ASCC3: variants seen among roughly 807,000 people sequenced by gnomAD.
ASCC3 encodes ASC-1 complex subunit P200.
ASCC3 carries 158 observed loss-of-function variants against 256.3 expected under a neutral mutation model. That is an observed-to-expected ratio of 0.62 (90% CI 0.54 to 0.70). The LOEUF (loss-of-function observed/expected upper bound fraction) is 0.70. Among genes scored for constraint, ASCC3 ranks in the 30% least tolerant of loss-of-function variants. The pLI is 0.00. For missense variants in ASCC3, 2,259 were observed against 2,626.0 expected, an observed-to-expected ratio of 0.86 and a Z score of 3.05; for synonymous variants, 948 against 883.4, an observed-to-expected ratio of 1.07 and a Z score of -1.30.
At chr6:100,711,254 A>AT (rs1469816693) in intron 13 of ASCC3, among the ~76,000 whole-genome samples, 1 of 152,126 alleles carries the variant, frequency 6.6e-6, no homozygotes, top group African/African-American at 2.4e-5. Context: ...GCCTCTTAAG[A>AT]TTTTTTCATA....
intron 22 of ASCC3, among the ~76,000 whole-genome samples, chr6:100,646,107 A>C (rs1775367335): frequency 6.6e-6 from 1 of 152,166 alleles, no homozygotes; most frequent in Non-Finnish European, 1.5e-5. Flanking sequence ...AGACATGGCA[A>C]AAATGAAGAT....
chr6:100,553,638 T>C (rs1769415447), intron 36 of ASCC3, among the ~76,000 whole-genome samples: 1 of 152,114 alleles, frequency 6.6e-6, no homozygotes, highest in South Asian at 2.1e-4. Flanking sequence ...TAAATGACAG[T>C]GATCGACAAC....
intron 36 of ASCC3, among the ~76,000 whole-genome samples, chr6:100,573,811 G>A (rs964705850): frequency 6.6e-6 from 1 of 152,118 alleles, no homozygotes; most frequent in Non-Finnish European, 1.5e-5. Context: ...AAATACCATG[G>A]AAGTTTTATA....
At chr6:100,582,936 C>G (rs1215708338) in intron 36 of ASCC3, among the ~76,000 whole-genome samples, 1 of 152,164 alleles carries the variant, frequency 6.6e-6, no homozygotes, top group Non-Finnish European at 1.5e-5. Flanking sequence ...AGAGATGAAG[C>G]CCACTTGATC....
chr6:100,872,818 C>G (rs1773811861), intron 1 of ASCC3, among the ~76,000 whole-genome samples: 1 of 152,110 alleles, frequency 6.6e-6, no homozygotes, highest in African/African-American at 2.4e-5. Context: ...TCTCAGGAAG[C>G]CATATCCCTA....
chr6:100,743,600 T>A (rs1020016005), intron 10 of ASCC3, among the ~76,000 whole-genome samples: 2 of 152,200 alleles, frequency 1.3e-5, no homozygotes, highest in African/African-American at 4.8e-5. Flanking sequence ...GTGGTCCTAT[T>A]AACATGGTTT....
intron 22 of ASCC3, among the ~76,000 whole-genome samples, chr6:100,646,120 CAT>C (rs917671291): frequency 5.3e-5 from 8 of 151,912 alleles, no homozygotes; most frequent in African/African-American, 1.9e-4. Flanking sequence ...ATGAAGATAA[CAT>C]AGAGAAAATA....
intron 10 of ASCC3, among the ~76,000 whole-genome samples, chr6:100,725,965 G>A (rs1249067651): frequency 1.6e-5 from 2 of 126,830 alleles, no homozygotes; most frequent in East Asian, 4.1e-4. Flanking sequence ...AAATACACAT[G>A]TTTTTTTAAA....
In ASCC3 at chr6:100,582,301, C is replaced by T. The variant is rs201408838; in HGVS notation, c.5550+7333G>A. ...TAGTTCTCCTTGAAAAGGTCCTTCACGTCCCTTGTAAGTTGGATTCCTAGG... is the reference window on the plus strand; with the variant it reads ...TAGTTCTCCTTGAAAAGGTCCTTCATGTCCCTTGTAAGTTGGATTCCTAGG... On this transcript the variant is annotated intron_variant, in intron 36 of 41. Coordinates refer to ENST00000369162, the MANE Select transcript of ASCC3 (RefSeq NM_006828.4). 9.0e-3 allele frequency among the ~76,000 whole-genome samples: 1,369 copies of T among 152,214 alleles called. 47 individuals are homozygous for T. In the East Asian group the frequency reaches 0.098, roughly 11 times the overall value.
At chr6:100,709,743 C>T (rs1388561805) in intron 13 of ASCC3, among the ~76,000 whole-genome samples, 2 of 151,802 alleles carry the variant, frequency 1.3e-5, no homozygotes, top group East Asian at 1.9e-4. Context: ...TGCAGTATAA[C>T]TAATAATTAA....
chr6:100,619,614 T>C (rs1449217748), intron 30 of ASCC3, among the ~76,000 whole-genome samples: 1 of 152,138 alleles, frequency 6.6e-6, no homozygotes, highest in African/African-American at 2.4e-5. Context: ...ACAGATGATG[T>C]ATGGTAGAGA....
rs1562251340 is a variant in ASCC3 at position 100,723,885 on chromosome 6, TATATATATATATTTATA to T, written c.1902+1637_1902+1653del. Among the ~76,000 whole-genome samples, 40 of 136,300 alleles carry T rather than the reference TATATATATATATTTATA, an allele frequency of 2.9e-4. 2 individuals are homozygous for T. The highest frequency in any genetic ancestry group is 1.0e-3 in the African/African-American group (37 of 35,238). The allele number at this position is 136,300 out of a possible 152,430, so 89.4% of individuals were successfully genotyped here. ...TTATATATATATATATATATATATA[TATATATATATATTTATA>T]ATTATATATATGACACATATATATA... On this transcript the variant is annotated intron_variant, in intron 11 of 41. Transcript: ENST00000369162.
intron 33 of ASCC3, among the ~76,000 whole-genome samples, chr6:100,603,531 T>C (rs1428606427): frequency 6.6e-6 from 1 of 152,076 alleles, no homozygotes; most frequent in Non-Finnish European, 1.5e-5. Flanking sequence ...ATTTCCTATC[T>C]CAAAGGGAAA....
At chr6:100,745,877 C>A (rs1426201730) in intron 10 of ASCC3, among the ~76,000 whole-genome samples, 1 of 151,954 alleles carries the variant, frequency 6.6e-6, no homozygotes, top group Non-Finnish European at 1.5e-5. Flanking sequence ...CAATCAGTAA[C>A]CTTTTAGTCT....
intron 36 of ASCC3, among the ~76,000 whole-genome samples, chr6:100,564,900 T>C (rs1430374917): frequency 2.0e-5 from 3 of 152,170 alleles, no homozygotes; most frequent in East Asian, 3.8e-4. Flanking sequence ...AAAGAATAAA[T>C]GGACATTTAG....
chr6:100,709,008 C>T (rs1309897446), intron 13 of ASCC3, among the ~76,000 whole-genome samples: 5 of 145,952 alleles, frequency 3.4e-5, no homozygotes, highest in Non-Finnish European at 7.5e-5. Context: ...GCCTTAAGAC[C>T]GAAAAAAAAA....
intron 4 of ASCC3, among the ~76,000 whole-genome samples, chr6:100,808,400 GT>G (rs1770294879): frequency 6.6e-6 from 1 of 151,832 alleles, no homozygotes; most frequent in Non-Finnish European, 1.5e-5. Context: ...TGCTTGTCAA[GT>G]TTTAATTTAG....
intron 33 of ASCC3, among the ~76,000 whole-genome samples, chr6:100,605,110 T>C (rs1397565290): frequency 1.3e-5 from 2 of 152,174 alleles, no homozygotes; most frequent in Non-Finnish European, 2.9e-5. Context: ...TGTACAACTG[T>C]ACTATGAAAA....
chr6:100,600,503 C>T (rs1031503578), intron 34 of ASCC3, among the ~76,000 whole-genome samples: 2 of 152,056 alleles, frequency 1.3e-5, no homozygotes, highest in Non-Finnish European at 2.9e-5. Flanking sequence ...AGTACCTAAC[C>T]CAGACACCCT....
Sources: allele counts gnomAD v4.1 joint callset (sites outside exome capture counted in the v4.1 genomes callset), GRCh38; gene constraint gnomAD v4.1.1; transcripts MANE v1.5; gene names NCBI Gene and HGNC (gene_info 2026-07-23, HGNC 2026-07-21).